CDH12: variants seen among roughly 807,000 people sequenced by gnomAD.
The protein encoded by CDH12 is cadherin-12.
CDH12 carries 41 observed loss-of-function variants against 74.1 expected under a neutral mutation model. The observed-to-expected ratio is 0.55, with a 90% CI of 0.43 to 0.72. The LOEUF is 0.72. Ranked by LOEUF, CDH12 falls within the 30% of genes least tolerant of loss-of-function variation. CDH12 has a pLI of 0.00. For missense variants in CDH12, 945 were observed against 977.2 expected, an observed-to-expected ratio of 0.97 and a Z score of 0.44; for synonymous variants, 399 against 355.0, an observed-to-expected ratio of 1.12 and a Z score of -1.39.
chr5:22,368,531 T>C (rs370208686), intron 3 of CDH12, among the ~76,000 whole-genome samples: 2 of 150,698 alleles, frequency 1.3e-5, no homozygotes, highest in Admixed American at 6.7e-5. Context: ...TTCAAACTCC[T>C]GGGCTCAAGA....
intron 6 of CDH12, among the ~76,000 whole-genome samples, chr5:21,872,101 C>A (rs1751654913): frequency 6.6e-6 from 1 of 152,152 alleles, no homozygotes; most frequent in African/African-American, 2.4e-5. Context: ...CCTCCTTGAA[C>A]TGTACTTCTA....
intron 1 of CDH12, among the ~76,000 whole-genome samples, chr5:22,842,697 T>A (rs1325423904): frequency 1.3e-5 from 2 of 152,116 alleles, no homozygotes; most frequent in African/African-American, 4.8e-5. Context: ...CTACTTGGAT[T>A]TTTCAATATG....
At chr5:22,658,648 T>C (rs1481930598) in intron 1 of CDH12, among the ~76,000 whole-genome samples, 1 of 152,096 alleles carries the variant, frequency 6.6e-6, no homozygotes, top group Non-Finnish European at 1.5e-5. Context: ...CTGATCATTG[T>C]CTGAAGAAAG....
chr5:21,999,207 T>G (rs1342609108), intron 5 of CDH12, among the ~76,000 whole-genome samples: 1 of 152,138 alleles, frequency 6.6e-6, no homozygotes, highest in African/African-American at 2.4e-5. Context: ...GGTAGACATA[T>G]TATTCATCAT....
intron 3 of CDH12, among the ~76,000 whole-genome samples, chr5:22,325,449 G>A (rs1247401468): frequency 9.9e-5 from 15 of 152,230 alleles, no homozygotes; most frequent in African/African-American, 3.6e-4. Flanking sequence ...TATTCCGAAA[G>A]TAAATATATT....
In CDH12 at chr5:22,212,645, T is replaced by C. The variant is rs1751607686; in HGVS notation, c.-332-2A>G. 10 of 975,166 alleles carry C rather than the reference T, an allele frequency of 1.0e-5. No individual in the cohort carries two copies. The highest frequency in any genetic ancestry group is 1.2e-5 in the Non-Finnish European group (10 of 820,286). The allele number at this position is 975,166 out of a possible 1,614,324, so 60.4% of individuals were successfully genotyped here. A position where few individuals can be genotyped will look rare whatever the true frequency, so the allele number is the denominator to read the frequency against. On this transcript the variant is annotated splice_acceptor_variant, in intron 3 of 14. Transcript: ENST00000382254. LOFTEE classifies it low-confidence loss of function (5UTR_SPLICE). ...CTGTTATGTTGAGCTCCTCACTGTC[T>C]AAGGAGAGAAAAACATCAGCTGAAA...
At chr5:22,552,570 A>G (rs1561486119) in intron 1 of CDH12, among the ~76,000 whole-genome samples, 1 of 151,968 alleles carries the variant, frequency 6.6e-6, no homozygotes, top group Admixed American at 6.6e-5. Flanking sequence ...CTGGAACTAC[A>G]GGCACCAGCC....
intron 1 of CDH12, among the ~76,000 whole-genome samples, chr5:22,535,246 C>T (rs2126710505): frequency 6.6e-6 from 1 of 151,286 alleles, no homozygotes; most frequent in African/African-American, 2.4e-5. Context: ...GCTCCGCTTC[C>T]CGGGTTCACG....
At chr5:21,777,230 C>T (rs1331945767) in intron 11 of CDH12, among the ~76,000 whole-genome samples, 2 of 152,094 alleles carry the variant, frequency 1.3e-5, no homozygotes, top group African/African-American at 4.8e-5. Context: ...AGCTTGAGAT[C>T]CTGGTAATTC....
intron 6 of CDH12, among the ~76,000 whole-genome samples, chr5:21,862,854 C>T (rs1751117158): frequency 6.6e-6 from 1 of 152,004 alleles, no homozygotes; most frequent in Non-Finnish European, 1.5e-5. Flanking sequence ...CTTTTTATCA[C>T]TCTGCCATTG....
intron 5 of CDH12, among the ~76,000 whole-genome samples, chr5:22,072,067 A>G (rs1226977054): frequency 1.4e-4 from 21 of 151,888 alleles, no homozygotes; most frequent in Admixed American, 1.4e-3. Flanking sequence ...ACACAAGCCT[A>G]TTGTAACTTT....
At chr5:22,605,575 G>A (rs572043561) in intron 1 of CDH12, among the ~76,000 whole-genome samples, 11 of 152,300 alleles carry the variant, frequency 7.2e-5, no homozygotes, top group Admixed American at 2.6e-4. Context: ...AGACAAGTGG[G>A]GAAGTGTGGT....
In CDH12 at chr5:21,802,351, G is replaced by T. The variant is rs781125887; in HGVS notation, c.1072C>A (p.Arg358=). 5 of 1,613,774 alleles carry T rather than the reference G, an allele frequency of 3.1e-6. No homozygotes were observed. Among genetic ancestry groups the T allele is most frequent in the Non-Finnish European group, 4.2e-6 (5 of 1,179,914 alleles). ...TTGAAAGGGCCCGCCGAGTGAAACC[G>T]GTGGTCAAGGTGAAGGTTGGAAGCC... ...VEASNLHLDH[R]FHSAGPFKDT... Residue 358 remains arginine, a synonymous_variant, in exon 10 of 15, where the codon CGG becomes AGG. Transcript: ENST00000382254.
intron 6 of CDH12, among the ~76,000 whole-genome samples, chr5:21,864,104 C>A (rs992887002): frequency 1.4e-4 from 21 of 150,396 alleles, no homozygotes; most frequent in African/African-American, 5.2e-4. Context: ...CATTATGCAG[C>A]AGAGAAATGT....
intron 1 of CDH12, among the ~76,000 whole-genome samples, chr5:22,562,761 G>A (rs1320580533): frequency 2.0e-5 from 3 of 150,812 alleles, no homozygotes; most frequent in Non-Finnish European, 4.4e-5. Context: ...ACTTGACCTT[G>A]GAAGAAAGAG....
At chr5:22,341,122 G>A (rs1169772634) in intron 3 of CDH12, among the ~76,000 whole-genome samples, 2 of 152,108 alleles carry the variant, frequency 1.3e-5, no homozygotes, top group African/African-American at 4.8e-5. Flanking sequence ...CCTATTTTAA[G>A]AACTGCTTAA....
chr5:22,329,704 AG>A (rs774449921), intron 3 of CDH12, among the ~76,000 whole-genome samples: 1 of 152,168 alleles, frequency 6.6e-6, no homozygotes, highest in Non-Finnish European at 1.5e-5. Flanking sequence ...TGTGCACTTT[AG>A]AGAGAGAGAC....
chr5:22,530,813 C>A (rs975359102), intron 1 of CDH12, among the ~76,000 whole-genome samples: 6 of 152,014 alleles, frequency 3.9e-5, no homozygotes, highest in Non-Finnish European at 8.8e-5. Flanking sequence ...TTATTATTAA[C>A]AAATAAATTA....
In CDH12 at chr5:21,842,215, T is replaced by C. The variant is rs1255127198; in HGVS notation, c.760A>G (p.Ile254Val). ...ACATCGGTGAGAGTGATGTTGACTA[T>C]TGTTGTTCCGGCTAATCCTCCAAGC... The part of the protein sequence containing the change: ...GQLGGLAGTT[I>V]VNITLTDVND... Residue 254 changes from isoleucine (I) to valine (V), a missense_variant, in exon 8 of 15, where the codon ATA becomes GTA. Ile to Val is a conservative substitution (Grantham distance 29, BLOSUM62 3). Transcript: ENST00000382254. The C allele has an allele frequency of 1.9e-6, 3 of 1,613,494 alleles. No individual in the cohort carries two copies. The highest frequency in any genetic ancestry group is 1.7e-5 in the Admixed American group (1 of 59,930).
Sources: gnomAD v4.1 joint callset for allele counts (sites outside exome capture counted in the v4.1 genomes callset) on GRCh38, gnomAD v4.1.1 for gene constraint, MANE v1.5 for transcripts, NCBI Gene and HGNC (gene_info 2026-07-23, HGNC 2026-07-21) for gene names.